Variants in PRSS2 observed in about 807,000 individuals in gnomAD.
PRSS2 encodes the protein serine protease 2, also known as trypsin-2.
Under a neutral mutation model 19.2 loss-of-function variants are expected in PRSS2, and 19 were observed. The ratio of observed to expected loss-of-function variants is 0.99; its 90% CI spans 0.69 to 1.45. The LOEUF (loss-of-function observed/expected upper bound fraction) is 1.45, where lower values mean the gene tolerates loss of function less well. PRSS2 is among the 40% of genes most tolerant of loss of function. PRSS2 has a pLI of 0.00. For missense variants in PRSS2, 288 were observed against 294.4 expected, an observed-to-expected ratio of 0.98 and a Z score of 0.16; for synonymous variants, 107 against 117.5, an observed-to-expected ratio of 0.91 and a Z score of 0.58.
chr7:142,773,799 C>T (rs1029839383), intron 3 of PRSS2, 120 bp from the exon 4 acceptor site: 32 of 1,424,690 alleles, frequency 2.2e-5, no homozygotes, highest in Admixed American at 5.0e-5. Context: ...CTTGCCAGGA[C>T]TTATGTTTTG....
At chr7:142,773,882 C>T in intron 3 of PRSS2, 37 bp from the exon 4 acceptor site, 1 of 1,591,658 alleles carries the variant, frequency 6.3e-7, no homozygotes, top group South Asian at 1.1e-5. Flanking sequence ...TGGCCTAACC[C>T]ACATTTCTTT....
At chr7:142,773,240 T>G (rs1800111559) in intron 2 of PRSS2, 26 bp from the exon 3 acceptor site, 1 of 1,614,090 alleles carries the variant, frequency 6.2e-7, no homozygotes, top group Non-Finnish European at 8.5e-7. Flanking sequence ...GGAGAAGGTC[T>G]TCACCATGCC....
chr7:142,771,034 G>A lies in PRSS2; in HGVS notation c.40+12G>A, dbSNP rs926850093. 1.9e-3 allele frequency: 1,070 copies of A among 550,568 alleles called. 3 individuals are homozygous for A. The highest frequency in any genetic ancestry group is 2.8e-3 in the Non-Finnish European group (865 of 303,990). 34.1% of individuals were successfully genotyped at this position (550,568 alleles called of 1,614,324 possible). A position where few individuals can be genotyped will look rare whatever the true frequency, so the allele number is the denominator to read the frequency against. ...TGTTGCAGCTGCTGGTGAGTTTCAC[G>A]CCCTGCCTCAGGCCTCAACCAACCC... On this transcript the variant is annotated intron_variant, in intron 1 of 4. Transcript: ENST00000539842.
Position 142,773,985 on chromosome 7 carries a change from C to T in PRSS2, c.521C>T (p.Ser174Phe), listed in dbSNP as rs1179168813. 1.6e-5 allele frequency: 25 copies of T among 1,609,542 alleles called. No individual in the cohort carries two copies. Among genetic ancestry groups the T allele is most frequent in the South Asian group, 3.3e-5 (3 of 90,938 alleles). Residue 174 changes from serine to phenylalanine, a missense_variant, in exon 4 of 5, where the codon TCC (serine) becomes TTC (phenylalanine). By Grantham distance (155) the Ser-to-Phe change is radical (BLOSUM62 -2). Coordinates refer to ENST00000539842, the MANE Select transcript of PRSS2 (RefSeq NM_002770.4). ...CTGAGCCAGGCTGAGTGTGAAGCCT[C>T]CTACCCTGGAAAGATTACCAACAAC... ...PVLSQAECEA[S>F]YPGKITNNMF...
At position 142,773,433 on chromosome 7, in the gene PRSS2, T is replaced by C. The variant is rs1473383451; in HGVS notation, c.368T>C (p.Val123Ala). The change falls in exon 3 of 5, where the codon GTG (valine) becomes GCG (alanine). Residue 123 changes from valine (V) to alanine (A), a missense_variant. Transcript: ENST00000539842. The part of the protein sequence containing the change: ...LSSPAVINSR[V>A]SAISLPTAPP... ...TCACCTGCCGTCATCAATTCCCGCG[T>C]GTCCGCCATCTCTCTGCCCACTGCC... The C allele has an allele frequency of 7.5e-6, 12 of 1,600,166 alleles. No individual in the cohort carries two copies. The highest frequency in any genetic ancestry group is 1.3e-5 in the African/African-American group (1 of 74,734).
At position 142,771,929 on chromosome 7, in the gene PRSS2, C is replaced by A. The variant is rs73740334; in HGVS notation, c.41-120C>A. On this transcript the variant is annotated intron_variant, in intron 1 of 4. Transcript: ENST00000539842. ...TCACCAGGGCTGGCAGCGCTCCCCC[C>A]CTTGCCTAGCCTCACTGAGCTTGTT... The A allele has an allele frequency of 1.3e-4, 179 of 1,352,768 alleles. No individual in the cohort carries two copies. In the East Asian group the frequency reaches 1.6e-3, roughly 12 times the overall value. The allele number at this position is 1,352,768 out of a possible 1,614,324, so 83.8% of individuals were successfully genotyped here.
chr7:142,772,218 G>C lies in PRSS2; in HGVS notation c.200+10G>C. 3 of 1,613,710 alleles carry C rather than the reference G, an allele frequency of 1.9e-6. No homozygotes were observed. The highest frequency in any genetic ancestry group is 2.5e-6 in the Non-Finnish European group (3 of 1,179,632). On this transcript the variant is annotated intron_variant, in intron 2 of 4. Transcript: ENST00000539842. ...GTCACTGCTACAAGTCGTAAGTGTG[G>C]GGCCCCTGACTGCAAAACTCCCAGC...
intron 1 of PRSS2, among the ~76,000 whole-genome samples, chr7:142,771,339 C>G (rs1444578318): frequency 6.6e-6 from 1 of 152,226 alleles, no homozygotes; most frequent in African/African-American, 2.4e-5. Context: ...ACAATAGCAC[C>G]ACTATAGCTG....
Position 142,774,409 on chromosome 7 carries a change from C to T in PRSS2, c.645C>T (p.Ser215=). The change falls in exon 5 of 5, where the codon TCC becomes TCT. Residue 215 remains serine (S), a synonymous_variant. Coordinates refer to ENST00000539842, the MANE Select transcript of PRSS2 (RefSeq NM_002770.4). ...VSNGELQGIV[S]WGYGCAQKNR... is the part of the protein sequence containing the mutation. ...ATGGAGAGCTCCAAGGAATTGTCTC[C>T]TGGGGCTATGGCTGTGCCCAGAAGA... is the stretch of plus-strand genomic sequence containing the variant. 1 of 1,579,052 alleles carries T rather than the reference C, an allele frequency of 6.3e-7. No homozygotes were observed. Among genetic ancestry groups the T allele is most frequent in the Non-Finnish European group, 8.7e-7 (1 of 1,148,458 alleles).
Position 142,774,347 on chromosome 7 carries a change from T to TC in PRSS2, c.592-3dup, listed in dbSNP as rs769566056. On this transcript the variant is annotated splice_polypyrimidine_tract_variant and intron_variant, in intron 4 of 4. Coordinates refer to ENST00000539842, the MANE Select transcript of PRSS2 (RefSeq NM_002770.4). ...TCTCTTCATACAACTTGTCCCTTCT[T>TC]CCCCCCAGGGTGATTCTGGTGGCCC... is the stretch of plus-strand genomic sequence containing the variant. 6 of 1,174,456 alleles carry TC rather than the reference T, an allele frequency of 5.1e-6. No individual in the cohort carries two copies. The highest frequency in any genetic ancestry group is 7.7e-6 in the Non-Finnish European group (6 of 778,602). 72.8% of individuals were successfully genotyped at this position (1,174,456 alleles called of 1,614,324 possible).
In PRSS2 at chr7:142,774,449, T is replaced by C. The variant is rs774915940; in HGVS notation, c.685T>C (p.Tyr229His). 1.9e-6 allele frequency: 3 copies of C among 1,610,134 alleles called. No individual in the cohort carries two copies. The highest frequency in any genetic ancestry group is 2.2e-5 in the South Asian group (2 of 90,956). Reference sequence around the variant, plus strand: ...TGCCCAGAAGAACAGGCCTGGAGTCTACACCAAGGTCTACAACTATGTGGA... The same window carrying C: ...TGCCCAGAAGAACAGGCCTGGAGTCCACACCAAGGTCTACAACTATGTGGA... ...GCAQKNRPGVYTKVYNYVDWI... is the reference protein window; with the variant it reads ...GCAQKNRPGVHTKVYNYVDWI... Residue 229 changes from tyrosine (Y) to histidine (H), a missense_variant, in exon 5 of 5, where the codon TAC (tyrosine) becomes CAC (histidine). Coordinates refer to ENST00000539842, the MANE Select transcript of PRSS2 (RefSeq NM_002770.4).
Position 142,773,480 on chromosome 7 carries a change from T to G in PRSS2, c.415T>G (p.Ser139Ala), listed in dbSNP as rs1554506679. Residue 139 changes from serine to alanine, a missense_variant, in exon 3 of 5, where the codon TCC (serine) becomes GCC (alanine). Coordinates refer to ENST00000539842, the MANE Select transcript of PRSS2 (RefSeq NM_002770.4). ...TGCCCCTCCAGCTGCTGGCACCGAG[T>G]CCCTCATCTCCGGCTGGGGCAACAC... ...PTAPPAAGTESLISGWGNTLS... is the reference protein window; with the variant it reads ...PTAPPAAGTEALISGWGNTLS... The G allele has an allele frequency of 6.3e-7, 1 of 1,596,370 alleles. No homozygotes were observed. Among genetic ancestry groups the G allele is most frequent in the Admixed American group, 1.7e-5 (1 of 60,000 alleles).
intron 2 of PRSS2, 25 bp downstream of exon 2, chr7:142,772,233 A>C: frequency 1.2e-6 from 2 of 1,612,804 alleles, no homozygotes; most frequent in Non-Finnish European, 1.7e-6. Flanking sequence ...CCTGACTGCA[A>C]AACTCCCAGC....
intron 1 of PRSS2, among the ~76,000 whole-genome samples, chr7:142,771,633 T>C (rs1042245208): frequency 7.5e-5 from 11 of 147,596 alleles, no homozygotes; most frequent in Non-Finnish European, 1.5e-4. Flanking sequence ...CATGGCCAAG[T>C]CGATGTCGCC....
chr7:142,773,601 C>T (rs1394735165), intron 3 of PRSS2, 82 bp downstream of exon 3: 18 of 1,422,528 alleles, frequency 1.3e-5, no homozygotes, highest in Middle Eastern at 3.7e-4. Flanking sequence ...TAAATCCTCT[C>T]GCCTCCAGGC....
rs564143199 is a variant in PRSS2, at chr7:142,774,274, G to T, written c.592-82G>T. On this transcript the variant is annotated intron_variant, in intron 4 of 4. Transcript: ENST00000539842. ...GGAGCCACAGAGCTGGCTGGAAAGG[G>T]CTCTTTTAAGGTTCAGAGCAAATGT... 3.0e-4 allele frequency: 313 copies of T among 1,052,100 alleles called. 1 individual carries two copies. The African/African-American group carries it at 4.2e-3, about 14-fold the overall frequency. 65.2% of individuals were successfully genotyped at this position (1,052,100 alleles called of 1,614,324 possible).
chr7:142,771,782 G>T (rs1799921227), intron 1 of PRSS2, among the ~76,000 whole-genome samples: 5 of 152,332 alleles, frequency 3.3e-5, no homozygotes, highest in African/African-American at 1.2e-4. Context: ...CCCACTGGAA[G>T]TATTGTGAGG....
Position 142,774,029 on chromosome 7 carries a change from C to T in PRSS2, c.565C>T (p.Leu189Phe). The stretch of plus-strand genomic sequence containing the variant: ...CAACAACATGTTCTGTGTGGGCTTC[C>T]TCGAGGGAGGCAAGGATTCCTGCCA... Reference protein sequence around the residue: ...ITNNMFCVGFLEGGKDSCQGD... With the variant: ...ITNNMFCVGFFEGGKDSCQGD... Residue 189 changes from leucine to phenylalanine, a missense_variant, in exon 4 of 5, where the codon CTC becomes TTC. By Grantham distance (22) the Leu-to-Phe change is conservative (BLOSUM62 0). Transcript: ENST00000539842. 2 of 1,602,682 alleles carry T rather than the reference C, an allele frequency of 1.2e-6. No individual in the cohort carries two copies. The highest frequency in any genetic ancestry group is 2.7e-5 in the African/African-American group (2 of 74,810).
intron 4 of PRSS2, 121 bp from the exon 5 acceptor site, chr7:142,774,235 C>A: frequency 1.1e-6 from 1 of 915,186 alleles, no homozygotes; most frequent in Non-Finnish European, 1.7e-6. Flanking sequence ...AATGGGCCAC[C>A]GTGAGAAGGA....
Sources: allele counts gnomAD v4.1 joint callset (sites outside exome capture counted in the v4.1 genomes callset), GRCh38; gene constraint gnomAD v4.1.1; transcripts MANE v1.5; gene names NCBI Gene and HGNC (gene_info 2026-07-23, HGNC 2026-07-21).